SGCZ: variants seen among roughly 807,000 people sequenced by gnomAD.
SGCZ encodes zeta-sarcoglycan.
Under a neutral mutation model 41.3 loss-of-function variants are expected in SGCZ, and 40 were observed. That is an observed-to-expected ratio of 0.97 (90% CI 0.75 to 1.26). The LOEUF (loss-of-function observed/expected upper bound fraction) is 1.26, where lower values mean the gene tolerates loss of function less well. Ranked by LOEUF, SGCZ falls within the 50% of genes most tolerant of loss-of-function variation. The probability of loss-of-function intolerance (pLI) is 0.00; values close to 1 mark genes in which losing one functional copy is unlikely to be tolerated. For synonymous variants in SGCZ, 206 were observed against 137.5 expected (o/e 1.50, Z -3.49); for missense variants, 552 against 369.8 (o/e 1.49, Z -4.04).
intron 1 of SGCZ, among the ~76,000 whole-genome samples, chr8:14,752,501 T>C (rs1799529624): frequency 6.6e-6 from 1 of 152,188 alleles, no homozygotes; most frequent in African/African-American, 2.4e-5. Flanking sequence ...TCTCAATCTA[T>C]TGTAATAATT....
chr8:15,063,031 T>A (rs1489904910), intron 1 of SGCZ, among the ~76,000 whole-genome samples: 1 of 152,086 alleles, frequency 6.6e-6, no homozygotes, highest in Non-Finnish European at 1.5e-5. Flanking sequence ...AGCCATTTAA[T>A]ATATTTCCCA....
At chr8:14,859,705 A>T (rs1803656124) in intron 1 of SGCZ, among the ~76,000 whole-genome samples, 1 of 152,180 alleles carries the variant, frequency 6.6e-6, no homozygotes, top group Non-Finnish European at 1.5e-5. Flanking sequence ...CATCTGCATG[A>T]TATATGTATT....
chr8:15,168,574 C>G (rs1027598809), intron 1 of SGCZ, among the ~76,000 whole-genome samples: 1 of 152,102 alleles, frequency 6.6e-6, no homozygotes, highest in Non-Finnish European at 1.5e-5. Flanking sequence ...GGAGAGAAGA[C>G]GCTCTTCCCT....
At chr8:14,203,700 G>C (rs1337202879) in intron 4 of SGCZ, among the ~76,000 whole-genome samples, 2 of 152,150 alleles carry the variant, frequency 1.3e-5, no homozygotes, top group Non-Finnish European at 1.5e-5. Context: ...GGCCTTTATA[G>C]TCAAGGACCT....
intron 1 of SGCZ, among the ~76,000 whole-genome samples, chr8:14,613,578 C>T (rs1033856020): frequency 6.6e-6 from 1 of 152,068 alleles, no homozygotes; most frequent in Non-Finnish European, 1.5e-5. Flanking sequence ...TTCCTATGCT[C>T]AATCATTAAA....
intron 1 of SGCZ, among the ~76,000 whole-genome samples, chr8:15,169,847 G>A (rs1269702004): frequency 6.6e-6 from 1 of 152,042 alleles, no homozygotes; most frequent in Non-Finnish European, 1.5e-5. Flanking sequence ...CCATTCTGGG[G>A]GGATGCAAAC....
intron 3 of SGCZ, among the ~76,000 whole-genome samples, chr8:14,297,218 C>T (rs1027171872): frequency 1.9e-4 from 29 of 152,056 alleles, no homozygotes; most frequent in African/African-American, 6.3e-4. Flanking sequence ...CCACTGCACT[C>T]GGCCCTGAAT....
chr8:14,146,528 C>T (rs1024274841), intron 5 of SGCZ, among the ~76,000 whole-genome samples: 4 of 152,004 alleles, frequency 2.6e-5, no homozygotes, highest in South Asian at 2.1e-4. Flanking sequence ...AGTAAGTAAA[C>T]AGAAAAACAC....
At chr8:14,860,709 A>AAAGAAAGAAAGAAAGAAAGAAAGAAG (rs1491015456) in intron 1 of SGCZ, among the ~76,000 whole-genome samples, 11 of 17,946 alleles carry the variant, frequency 6.1e-4, no homozygotes, top group African/African-American at 5.6e-3. Context: ...AGAAAGAAAG[A>AAAGAAAGAAAGAAAGAAAGAAAGAAG]GAAAGAAAGA....
intron 2 of SGCZ, among the ~76,000 whole-genome samples, chr8:14,332,821 T>C (rs192889060): frequency 6.6e-6 from 1 of 151,356 alleles, no homozygotes; most frequent in African/African-American, 2.4e-5. Context: ...ATATAGAATA[T>C]ACTTATATGC....
At chr8:15,029,982 C>T (rs1803599615) in intron 1 of SGCZ, among the ~76,000 whole-genome samples, 2 of 152,098 alleles carry the variant, frequency 1.3e-5, no homozygotes, top group African/African-American at 2.4e-5. Flanking sequence ...ACAAAAGTCC[C>T]AAGTACCTAT....
At chr8:14,264,957 T>TG (rs763577952) in intron 3 of SGCZ, among the ~76,000 whole-genome samples, 2 of 152,130 alleles carry the variant, frequency 1.3e-5, no homozygotes, top group Non-Finnish European at 2.9e-5. Flanking sequence ...AGCGAGACTC[T>TG]GTCTCAAAAA....
At chr8:15,044,342 C>A (rs922629104) in intron 1 of SGCZ, among the ~76,000 whole-genome samples, 4 of 152,062 alleles carry the variant, frequency 2.6e-5, no homozygotes, top group Non-Finnish European at 5.9e-5. Flanking sequence ...ATTCACTTTA[C>A]ATTTGGGTTC....
intron 4 of SGCZ, among the ~76,000 whole-genome samples, chr8:14,167,802 G>C (rs918176609): frequency 1.3e-5 from 2 of 152,084 alleles, no homozygotes; most frequent in Admixed American, 6.5e-5. Context: ...ATTCACATCT[G>C]TTGCAGTCTT....
At chr8:14,681,700 C>A (rs1808450930) in intron 1 of SGCZ, among the ~76,000 whole-genome samples, 1 of 151,950 alleles carries the variant, frequency 6.6e-6, no homozygotes. Flanking sequence ...TAATTATGTC[C>A]CTGATTATTA....
intron 1 of SGCZ, among the ~76,000 whole-genome samples, chr8:15,028,449 CAGTTTCATAAGGAACACCATCGTCTAAGT>C (rs1427435689): frequency 3.3e-5 from 5 of 150,730 alleles, no homozygotes; most frequent in Admixed American, 3.3e-4. Flanking sequence ...AAGTTGAAGT[CAGTTTCATAAGGAACACCATCGTCTAAGT>C]TGAAGTCAGT....
Position 14,129,345 on chromosome 8 carries a change from CAAAAAAAAAAAAA to C in SGCZ, c.548-21123_548-21111del, listed in dbSNP as rs534660638. 7.9e-4 allele frequency among the ~76,000 whole-genome samples: 35 copies of C among 44,150 alleles called. 1 individual carries two copies. Among genetic ancestry groups the C allele is most frequent in the African/African-American group, 1.9e-3 (31 of 16,504 alleles). 29.0% of individuals were successfully genotyped at this position (44,150 alleles called of 152,430 possible). On this transcript the variant is annotated intron_variant, in intron 5 of 7. Transcript: ENST00000382080. ...TGGGTGACAGAGCGAGACTCCGTCT[CAAAAAAAAAAAAA>C]AAAAAAAAAAAAAAATCTGCTCTTG...
chr8:14,706,744 G>A (rs1026709469), intron 1 of SGCZ, among the ~76,000 whole-genome samples: 3 of 152,148 alleles, frequency 2.0e-5, no homozygotes, highest in African/African-American at 2.4e-5. Context: ...AGTAGTAAGC[G>A]TTTTTAAGTT....
intron 5 of SGCZ, among the ~76,000 whole-genome samples, chr8:14,140,162 G>C (rs977064188): frequency 2.0e-5 from 3 of 152,140 alleles, no homozygotes; most frequent in African/African-American, 2.4e-5. Context: ...GGTATTGATG[G>C]AACGTATCTC....
Sources: allele counts gnomAD v4.1 joint callset (sites outside exome capture counted in the v4.1 genomes callset), GRCh38; gene constraint gnomAD v4.1.1; transcripts MANE v1.5; gene names NCBI Gene and HGNC (gene_info 2026-07-23, HGNC 2026-07-21).